ACOXL: variants seen among roughly 807,000 people sequenced by gnomAD.
The protein encoded by ACOXL is acyl-coenzyme A oxidase-like protein.
A neutral mutation model predicts 71.9 loss-of-function variants in ACOXL; 70 were observed. The ratio of observed to expected loss-of-function variants is 0.97; its 90% CI spans 0.80 to 1.19. The LOEUF is 1.19. ACOXL is among the 50% of genes most tolerant of loss of function. The pLI, the probability that ACOXL is intolerant of heterozygous loss-of-function variation, is 0.00. For missense variants in ACOXL, 703 were observed against 736.3 expected, an observed-to-expected ratio of 0.95 and a Z score of 0.52; for synonymous variants, 253 against 281.6, an observed-to-expected ratio of 0.90 and a Z score of 1.02.
intron 12 of ACOXL, among the ~76,000 whole-genome samples, chr2:110,976,780 G>A (rs954945228): frequency 2.6e-5 from 4 of 152,140 alleles, no homozygotes; most frequent in African/African-American, 7.2e-5. Flanking sequence ...AGATTCTAGT[G>A]ATATGATGGA....
At position 110,798,986 on chromosome 2, in the gene ACOXL, T is replaced by C. The variant is rs373774456; in HGVS notation, c.461-28T>C. 53 of 1,604,698 alleles carry C rather than the reference T, an allele frequency of 3.3e-5. No individual in the cohort carries two copies. The African/African-American group carries it at 6.3e-4, about 19-fold the overall frequency. ...TGAGTAAAGCTATAGGAAGGAGAGC[T>C]TAATAATGATCTCGATGCCTTCCTT... On this transcript the variant is annotated intron_variant, in intron 6 of 17. Transcript: ENST00000439055.
intron 12 of ACOXL, chr2:110,968,071 G>A (rs564372705): frequency 6.7e-6 from 8 of 1,193,220 alleles, no homozygotes; most frequent in Non-Finnish European, 9.9e-6. Flanking sequence ...CGCAGCATAC[G>A]CACACGAACT....
At chr2:111,012,438 A>G (rs1359595198) in intron 14 of ACOXL, among the ~76,000 whole-genome samples, 2 of 152,230 alleles carry the variant, frequency 1.3e-5, no homozygotes, top group Non-Finnish European at 2.9e-5. Flanking sequence ...GACTTACAGT[A>G]TCTCCAAGGT....
chr2:110,936,710 A>G (rs1214219563), intron 12 of ACOXL, among the ~76,000 whole-genome samples: 1 of 152,258 alleles, frequency 6.6e-6, no homozygotes, highest in Admixed American at 6.5e-5. Flanking sequence ...AAACAGCCAG[A>G]TAAAGAGATA....
intron 14 of ACOXL, among the ~76,000 whole-genome samples, chr2:111,002,886 A>G (rs1317950289): frequency 6.6e-6 from 1 of 152,196 alleles, no homozygotes; most frequent in Non-Finnish European, 1.5e-5. Flanking sequence ...GAAATCCAAA[A>G]TGCTCTAATG....
chr2:110,892,255 A>G (rs12329344), intron 10 of ACOXL, among the ~76,000 whole-genome samples: 47,726 of 152,066 alleles, frequency 0.31, 7,820 homozygotes, highest in Middle Eastern at 0.38. Flanking sequence ...TAGATTAGGC[A>G]GACAACAGAT....
intron 12 of ACOXL, among the ~76,000 whole-genome samples, chr2:110,960,207 G>T (rs568485060): frequency 5.9e-4 from 90 of 152,270 alleles, no homozygotes; most frequent in South Asian, 3.3e-3. Context: ...GCAAGCAGCC[G>T]GTGTGGCCAG....
At chr2:110,749,924 G>C (rs1678705053) in intron 1 of ACOXL, among the ~76,000 whole-genome samples, 1 of 152,154 alleles carries the variant, frequency 6.6e-6, no homozygotes, top group African/African-American at 2.4e-5. Context: ...GTTTTGAAGA[G>C]TACTGGTCAG....
intron 12 of ACOXL, among the ~76,000 whole-genome samples, chr2:110,961,700 C>T (rs544695636): frequency 6.6e-6 from 1 of 152,290 alleles, no homozygotes; most frequent in East Asian, 1.9e-4. Flanking sequence ...ATACCTGAGA[C>T]TGGGTAATTA....
In ACOXL at chr2:110,913,751, C is replaced by T. The variant is rs116290344; in HGVS notation, c.905+4846C>T. Among the ~76,000 whole-genome samples the T allele has an allele frequency of 2.2e-3, 341 of 152,108 alleles. 2 individuals are homozygous for T. Among genetic ancestry groups the T allele is most frequent in the African/African-American group, 7.3e-3 (303 of 41,502 alleles). The stretch of plus-strand genomic sequence containing the variant: ...TCTACTCTGCTTCTGGGTAGGTCTC[C>T]GGGAGCTTTTATTCATGGCAGAAGG... On this transcript the variant is annotated intron_variant, in intron 11 of 17. Coordinates refer to ENST00000439055, the MANE Select transcript of ACOXL (RefSeq NM_001142807.4).
chr2:111,105,644 TTTTTATATGTTTTATATA>T (rs1403827368), intron 17 of ACOXL, among the ~76,000 whole-genome samples: 1 of 152,098 alleles, frequency 6.6e-6, no homozygotes, highest in Non-Finnish European at 1.5e-5. Context: ...AATAAAACTA[TTTTTATATGTTTTATATA>T]TTTTATATGT....
Position 111,092,715 on chromosome 2 carries a change from C to T in ACOXL, c.1441-150C>T, listed in dbSNP as rs955743850. The T allele has an allele frequency of 5.0e-5, 30 of 599,950 alleles. No individual in the cohort carries two copies. In the Admixed American group the frequency reaches 8.8e-4, roughly 18 times the overall value. 37.2% of individuals were successfully genotyped at this position (599,950 alleles called of 1,614,324 possible). ...AAAAATAAAACCTATACTGCACATCCAAAACATGGCCATTTTACATTAGGA... is the reference window on the plus strand; with the variant it reads ...AAAAATAAAACCTATACTGCACATCTAAAACATGGCCATTTTACATTAGGA... On this transcript the variant is annotated intron_variant, in intron 16 of 17. Transcript: ENST00000439055.
intron 10 of ACOXL, among the ~76,000 whole-genome samples, chr2:110,897,785 G>A (rs1023317869): frequency 6.6e-6 from 1 of 152,018 alleles, no homozygotes; most frequent in African/African-American, 2.4e-5. Context: ...GAACAATAGA[G>A]AATATCAGTG....
intron 1 of ACOXL, among the ~76,000 whole-genome samples, chr2:110,760,843 C>G (rs892442262): frequency 6.6e-6 from 1 of 152,100 alleles, no homozygotes; most frequent in African/African-American, 2.4e-5. Flanking sequence ...CATAAGCACT[C>G]AAGTGTTTGC....
At chr2:110,960,461 C>T (rs1448814102) in intron 12 of ACOXL, among the ~76,000 whole-genome samples, 2 of 152,168 alleles carry the variant, frequency 1.3e-5, no homozygotes, top group Non-Finnish European at 2.9e-5. Context: ...CCCTCCTCCT[C>T]TCACAACATT....
At chr2:110,818,547 GTATA>G (rs1365302898) in intron 9 of ACOXL, among the ~76,000 whole-genome samples, 1 of 148,996 alleles carries the variant, frequency 6.7e-6, no homozygotes, top group Non-Finnish European at 1.5e-5. Context: ...GTATAAGTAG[GTATA>G]TATATGTATG....
At chr2:111,029,478 T>A (rs1428017364) in intron 14 of ACOXL, among the ~76,000 whole-genome samples, 1 of 152,256 alleles carries the variant, frequency 6.6e-6, no homozygotes, top group Non-Finnish European at 1.5e-5. Context: ...GACAGCAGAA[T>A]GGTGTGTAGA....
intron 16 of ACOXL, among the ~76,000 whole-genome samples, chr2:111,072,090 A>G (rs1360206479): frequency 6.6e-6 from 1 of 152,246 alleles, no homozygotes; most frequent in East Asian, 1.9e-4. Context: ...ATAGACACTT[A>G]GAGAATGCAG....
intron 9 of ACOXL, among the ~76,000 whole-genome samples, chr2:110,837,278 A>G (rs541245175): frequency 1.4e-4 from 21 of 152,304 alleles, no homozygotes; most frequent in Non-Finnish European, 2.5e-4. Flanking sequence ...CATGAGGTCC[A>G]GGGTACCTTC....
Sources: allele counts gnomAD v4.1 joint callset (sites outside exome capture counted in the v4.1 genomes callset), GRCh38; gene constraint gnomAD v4.1.1; transcripts MANE v1.5; gene names NCBI Gene and HGNC (gene_info 2026-07-23, HGNC 2026-07-21).